Variants in PPFIA2 observed in about 807,000 individuals in gnomAD.
PPFIA2 encodes liprin-alpha-2.
Under a neutral mutation model 175.5 loss-of-function variants are expected in PPFIA2, and 46 were observed. That is an observed-to-expected ratio of 0.26 (90% CI 0.21 to 0.34). PPFIA2 has a LOEUF of 0.34. Ranked by LOEUF, PPFIA2 falls within the 10% of genes least tolerant of loss-of-function variation. The pLI, the probability that PPFIA2 is intolerant of heterozygous loss-of-function variation, is 1.00. For synonymous variants in PPFIA2, 568 were observed against 511.4 expected, an observed-to-expected ratio of 1.11 and a Z score of -1.49; for missense variants, 1,179 against 1,506.1, an observed-to-expected ratio of 0.78 and a Z score of 3.60.
chr12:81,475,605 G>A (rs553771641), intron 4 of PPFIA2, among the ~76,000 whole-genome samples: 5 of 152,238 alleles, frequency 3.3e-5, no homozygotes, highest in Admixed American at 6.5e-5. Context: ...CTTCTGTAAT[G>A]TCCACCTGAA....
chr12:81,385,782 G>T (rs2038796507), intron 8 of PPFIA2, among the ~76,000 whole-genome samples: 1 of 151,984 alleles, frequency 6.6e-6, no homozygotes, highest in Non-Finnish European at 1.5e-5. Context: ...TAAGAATAAT[G>T]GTCTATTACA....
chr12:81,385,399 C>T (rs1566588913), intron 8 of PPFIA2, among the ~76,000 whole-genome samples: 1 of 152,118 alleles, frequency 6.6e-6, no homozygotes, highest in Non-Finnish European at 1.5e-5. Flanking sequence ...GATATCTGCA[C>T]TCCTATGTTC....
At chr12:81,491,927 T>C (rs1250278398) in intron 4 of PPFIA2, among the ~76,000 whole-genome samples, 1 of 152,040 alleles carries the variant, frequency 6.6e-6, no homozygotes, top group Non-Finnish European at 1.5e-5. Context: ...TCATTTCTCT[T>C]GCCTGGAACA....
chr12:81,368,893 A>G (rs754489445), intron 12 of PPFIA2, 37 bp from the exon 13 acceptor site: 1 of 1,583,404 alleles, frequency 6.3e-7, no homozygotes, highest in Non-Finnish European at 8.6e-7. Context: ...ATCCATTCAA[A>G]AACTGTTTGA....
At position 81,669,709 on chromosome 12, in the gene PPFIA2, T is replaced by C. The variant is rs115816327; in HGVS notation, c.303+7082A>G. Among the ~76,000 whole-genome samples, 501 of 151,962 alleles carry C rather than the reference T, an allele frequency of 3.3e-3. 3 individuals are homozygous for C. Among genetic ancestry groups the C allele is most frequent in the African/African-American group, 0.012 (486 of 41,496 alleles). ...TTGTCCCTTACCAGTAATAAACTTG[T>C]CTGGGTAAAGGGGACAGCAATGGCT... On this transcript the variant is annotated intron_variant, in intron 4 of 32. Coordinates refer to ENST00000549396, the MANE Select transcript of PPFIA2 (RefSeq NM_003625.5).
chr12:81,707,126 C>G (rs1451752613), intron 3 of PPFIA2, among the ~76,000 whole-genome samples: 1 of 152,124 alleles, frequency 6.6e-6, no homozygotes, highest in Non-Finnish European at 1.5e-5. Flanking sequence ...GACTTCATGT[C>G]TAAAACACCA....
chr12:81,564,491 T>C (rs1420329265), intron 4 of PPFIA2, among the ~76,000 whole-genome samples: 2 of 152,166 alleles, frequency 1.3e-5, no homozygotes, highest in Non-Finnish European at 2.9e-5. Flanking sequence ...GATGGAGTTC[T>C]TTTGTTGGTT....
chr12:81,479,795 C>A (rs1281070040), intron 4 of PPFIA2, among the ~76,000 whole-genome samples: 1 of 152,172 alleles, frequency 6.6e-6, no homozygotes, highest in African/African-American at 2.4e-5. Flanking sequence ...TGATGGACTT[C>A]CCTTTGTGGG....
At chr12:81,311,746 AAAAAAAG>A (rs1404634988) in intron 22 of PPFIA2, among the ~76,000 whole-genome samples, 1 of 145,568 alleles carries the variant, frequency 6.9e-6, no homozygotes, top group Non-Finnish European at 1.5e-5. Context: ...AAAAAAAAAA[AAAAAAAG>A]AAAGAAAGAA....
intron 4 of PPFIA2, among the ~76,000 whole-genome samples, chr12:81,502,612 C>T (rs1000165612): frequency 1.3e-5 from 2 of 152,096 alleles, no homozygotes; most frequent in Admixed American, 6.6e-5. Flanking sequence ...ATGATTCATT[C>T]GTTCATCCTA....
chr12:81,284,219 C>A, intron 25 of PPFIA2, 22 bp downstream of exon 25: 1 of 1,535,418 alleles, frequency 6.5e-7, no homozygotes, highest in Non-Finnish European at 9.0e-7. Context: ...CCTTCAGGTT[C>A]AACAAAGCCA....
chr12:81,652,550 T>C (rs2067176023), intron 4 of PPFIA2, among the ~76,000 whole-genome samples: 1 of 152,092 alleles, frequency 6.6e-6, no homozygotes, highest in Non-Finnish European at 1.5e-5. Context: ...ATCAGTTATA[T>C]CAATTACTGT....
chr12:81,639,123 T>C, intron 4 of PPFIA2, among the ~76,000 whole-genome samples: 1 of 152,300 alleles, frequency 6.6e-6, no homozygotes, highest in Non-Finnish European at 1.5e-5. Flanking sequence ...GTCCAAAGTC[T>C]TTAGTTTGTC....
At chr12:81,345,102 T>C (rs2058823245) in intron 18 of PPFIA2, among the ~76,000 whole-genome samples, 1 of 152,146 alleles carries the variant, frequency 6.6e-6, no homozygotes, top group South Asian at 2.1e-4. Context: ...TATAAATTCT[T>C]GTTTTTGCCC....
intron 3 of PPFIA2, among the ~76,000 whole-genome samples, chr12:81,711,458 ACTAT>A (rs540345562): frequency 2.4e-4 from 36 of 151,460 alleles, no homozygotes; most frequent in Middle Eastern, 6.8e-3. Flanking sequence ...ATTATAGAAT[ACTAT>A]CTATCTATTT....
At chr12:81,439,147 T>TTCTC (rs148961339) in intron 7 of PPFIA2, among the ~76,000 whole-genome samples, 7 of 147,868 alleles carry the variant, frequency 4.7e-5, no homozygotes, top group Non-Finnish European at 1.0e-4. Flanking sequence ...CAGGTTAAAC[T>TTCTC]TCTCTCTCTC....
chr12:81,498,918 C>T (rs545313342), intron 4 of PPFIA2, among the ~76,000 whole-genome samples: 264 of 152,180 alleles, frequency 1.7e-3, no homozygotes, highest in Middle Eastern at 3.4e-3. Context: ...CCACCGTGCC[C>T]GGCATCATGG....
intron 3 of PPFIA2, among the ~76,000 whole-genome samples, chr12:81,743,309 G>A (rs1294418738): frequency 1.3e-5 from 2 of 149,466 alleles, no homozygotes; most frequent in African/African-American, 4.9e-5. Context: ...CCCAGCTACT[G>A]GGGAGGCTGA....
chr12:81,442,530 T>G (rs2050364012), intron 6 of PPFIA2, among the ~76,000 whole-genome samples: 1 of 151,906 alleles, frequency 6.6e-6, no homozygotes, highest in Admixed American at 6.6e-5. Context: ...TATTTTTAAA[T>G]AGTCAATGAT....
Sources: allele counts gnomAD v4.1 joint callset (sites outside exome capture counted in the v4.1 genomes callset), GRCh38; gene constraint gnomAD v4.1.1; transcripts MANE v1.5; gene names NCBI Gene and HGNC (gene_info 2026-07-23, HGNC 2026-07-21).